The following NKAIN2 variants were observed in gnomAD, a reference collection of about 807,000 sequenced individuals.
NKAIN2 encodes the protein sodium/potassium-transporting ATPase subunit beta-1-interacting protein 2.
A neutral mutation model predicts 32.6 loss-of-function variants in NKAIN2; 14 were observed. The observed-to-expected ratio is 0.43, with a 90% CI of 0.28 to 0.67. NKAIN2 has a LOEUF of 0.67. Ranked by LOEUF, NKAIN2 falls within the 30% of genes least tolerant of loss-of-function variation. The pLI is 0.17. For synonymous variants in NKAIN2, 80 were observed against 87.2 expected (o/e 0.92, Z 0.46); for missense variants, 198 against 258.3 (o/e 0.77, Z 1.60).
At chr6:124,597,232 A>G (rs1253254379) in intron 3 of NKAIN2, among the ~76,000 whole-genome samples, 2 of 152,306 alleles carry the variant, frequency 1.3e-5, no homozygotes, top group Non-Finnish European at 2.9e-5. Context: ...AATATGAGAC[A>G]TTTAAAAATA....
chr6:124,191,053 A>G (rs1360714081), intron 1 of NKAIN2, among the ~76,000 whole-genome samples: 1 of 152,188 alleles, frequency 6.6e-6, no homozygotes, highest in Non-Finnish European at 1.5e-5. Context: ...TGTGAGGTTC[A>G]CGCTTGCTGT....
At chr6:124,267,948 A>T (rs1015786729) in intron 1 of NKAIN2, among the ~76,000 whole-genome samples, 1 of 152,140 alleles carries the variant, frequency 6.6e-6, no homozygotes, top group African/African-American at 2.4e-5. Context: ...TTATATCTTA[A>T]TTATTGTTTT....
At chr6:123,841,692 C>T (rs982112120) in intron 1 of NKAIN2, among the ~76,000 whole-genome samples, 1 of 152,150 alleles carries the variant, frequency 6.6e-6, no homozygotes, top group Non-Finnish European at 1.5e-5. Context: ...ACCTTAACAG[C>T]TGCTGAGTCG....
intron 3 of NKAIN2, among the ~76,000 whole-genome samples, chr6:124,595,188 G>A (rs968112455): frequency 1.5e-4 from 23 of 152,194 alleles, no homozygotes; most frequent in African/African-American, 3.9e-4. Flanking sequence ...TTGTTACTCC[G>A]TAAGAATCTT....
Position 124,274,924 on chromosome 6 carries a change from G to A in NKAIN2, c.55-8081G>A, listed in dbSNP as rs60436473. 2.0e-3 allele frequency among the ~76,000 whole-genome samples: 307 copies of A among 152,012 alleles called. 3 individuals are homozygous for A. Among genetic ancestry groups the A allele is most frequent in the African/African-American group, 7.2e-3 (298 of 41,508 alleles). On this transcript the variant is annotated intron_variant, in intron 1 of 6. Transcript: ENST00000368417. ...CTCACATACACATTTATAAAACTTG[G>A]CATGTGGACACACACAACAAGGATC...
At chr6:124,116,436 G>A (rs1785619154) in intron 1 of NKAIN2, among the ~76,000 whole-genome samples, 1 of 152,034 alleles carries the variant, frequency 6.6e-6, no homozygotes, top group Non-Finnish European at 1.5e-5. Context: ...GTGTAATGTT[G>A]ATTAATGTGA....
intron 4 of NKAIN2, among the ~76,000 whole-genome samples, chr6:124,725,535 T>C (rs1359308791): frequency 6.6e-6 from 1 of 152,242 alleles, no homozygotes; most frequent in Non-Finnish European, 1.5e-5. Context: ...TTCCCATGAA[T>C]ATCATATGCC....
At chr6:124,103,332 T>C (rs916683803) in intron 1 of NKAIN2, among the ~76,000 whole-genome samples, 1 of 152,178 alleles carries the variant, frequency 6.6e-6, no homozygotes, top group Non-Finnish European at 1.5e-5. Flanking sequence ...GGGATTTACT[T>C]GGAAGCATTT....
chr6:124,704,065 G>A (rs138290782), intron 4 of NKAIN2, among the ~76,000 whole-genome samples: 275 of 152,050 alleles, frequency 1.8e-3, no homozygotes, highest in African/African-American at 4.9e-3. Context: ...CTGGAAAAAC[G>A]TTGGTGTAGA....
In NKAIN2 at chr6:124,709,708, C is replaced by T. The variant is rs1016209808; in HGVS notation, c.474+51322C>T. On this transcript the variant is annotated intron_variant, in intron 4 of 6. Coordinates refer to ENST00000368417, the MANE Select transcript of NKAIN2 (RefSeq NM_001040214.3). Reference sequence around the variant, plus strand: ...ATATCCCCTTTATCATTTTTTATTGCGTCTATTTGATTCTTCTCTTTTTTC... The same window carrying T: ...ATATCCCCTTTATCATTTTTTATTGTGTCTATTTGATTCTTCTCTTTTTTC... 3.7e-3 allele frequency among the ~76,000 whole-genome samples: 562 copies of T among 151,360 alleles called. 11 individuals carry two copies. Among genetic ancestry groups the T allele is most frequent in the Non-Finnish European group, 6.1e-3 (411 of 67,802 alleles).
At chr6:124,510,749 T>G (rs1778679172) in intron 3 of NKAIN2, among the ~76,000 whole-genome samples, 1 of 152,178 alleles carries the variant, frequency 6.6e-6, no homozygotes, top group South Asian at 2.1e-4. Flanking sequence ...ATAACCCTTC[T>G]TGTTACAATT....
chr6:124,415,827 G>A (rs1358356207), intron 3 of NKAIN2, among the ~76,000 whole-genome samples: 1 of 145,092 alleles, frequency 6.9e-6, no homozygotes, highest in Non-Finnish European at 1.5e-5. Flanking sequence ...CAATAGCATA[G>A]GTTTCATTGA....
chr6:123,952,581 A>T (rs538984856), intron 1 of NKAIN2, among the ~76,000 whole-genome samples: 1 of 152,268 alleles, frequency 6.6e-6, no homozygotes, highest in Non-Finnish European at 1.5e-5. Flanking sequence ...TCTTTTTAAA[A>T]CATTCTTTTT....
chr6:123,920,785 C>CA (rs1330412674), intron 1 of NKAIN2, among the ~76,000 whole-genome samples: 1 of 152,036 alleles, frequency 6.6e-6, no homozygotes, highest in Non-Finnish European at 1.5e-5. Flanking sequence ...TTGTAATGGA[C>CA]AAAAACAAGA....
chr6:124,245,250 C>T (rs1793334768), intron 1 of NKAIN2, among the ~76,000 whole-genome samples: 1 of 152,056 alleles, frequency 6.6e-6, no homozygotes, highest in South Asian at 2.1e-4. Context: ...AGCTCATACA[C>T]ATCACATTTT....
intron 1 of NKAIN2, among the ~76,000 whole-genome samples, chr6:123,976,368 T>TATA (rs1562287697): frequency 7.7e-5 from 1 of 13,050 alleles, no homozygotes; most frequent in Admixed American, 8.6e-4. Flanking sequence ...TATATATATA[T>TATA]TCCCATATAT....
intron 3 of NKAIN2, among the ~76,000 whole-genome samples, chr6:124,553,095 A>G (rs1336805181): frequency 6.6e-6 from 1 of 152,222 alleles, no homozygotes; most frequent in Non-Finnish European, 1.5e-5. Flanking sequence ...GTGCTCAAAA[A>G]TGTTTAATAG....
At chr6:124,098,721 T>C (rs904971333) in intron 1 of NKAIN2, among the ~76,000 whole-genome samples, 1 of 151,852 alleles carries the variant, frequency 6.6e-6, no homozygotes, top group African/African-American at 2.4e-5. Flanking sequence ...TATACAAAAA[T>C]GAGCCAGGAG....
chr6:123,849,135 A>G (rs929881431), intron 1 of NKAIN2, among the ~76,000 whole-genome samples: 2 of 152,176 alleles, frequency 1.3e-5, no homozygotes, highest in Non-Finnish European at 1.5e-5. Flanking sequence ...TCCTGATACT[A>G]TATTAGTTTC....
Sources: allele counts gnomAD v4.1 joint callset (sites outside exome capture counted in the v4.1 genomes callset), GRCh38; gene constraint gnomAD v4.1.1; transcripts MANE v1.5; gene names NCBI Gene and HGNC (gene_info 2026-07-23, HGNC 2026-07-21).